Variants in ANO2 observed in about 807,000 individuals in gnomAD.
The protein encoded by ANO2 is anoctamin-2.
Under a neutral mutation model 124.2 loss-of-function variants are expected in ANO2, and 101 were observed. That is an observed-to-expected ratio of 0.81 (90% CI 0.69 to 0.96). The LOEUF is 0.96. Ranked by LOEUF, ANO2 falls within the 40% of genes least tolerant of loss-of-function variation. The pLI, the probability that ANO2 is intolerant of heterozygous loss-of-function variation, is 0.00. For synonymous variants in ANO2, 486 were observed against 482.5 expected, an observed-to-expected ratio of 1.01 and a Z score of -0.09; for missense variants, 1,293 against 1,274.5, an observed-to-expected ratio of 1.01 and a Z score of -0.22.
chr12:5,806,309 T>C (rs1953190897), intron 8 of ANO2, among the ~76,000 whole-genome samples: 1 of 152,236 alleles, frequency 6.6e-6, no homozygotes, highest in African/African-American at 2.4e-5. Context: ...CACATGAAGA[T>C]GTGCCCCCTC....
chr12:5,660,817 T>C (rs1947399254), intron 14 of ANO2, among the ~76,000 whole-genome samples: 1 of 152,182 alleles, frequency 6.6e-6, no homozygotes, highest in Non-Finnish European at 1.5e-5. Context: ...TGGTGCTCCA[T>C]GCTCATAATA....
intron 14 of ANO2, among the ~76,000 whole-genome samples, chr12:5,670,716 A>G (rs1236827349): frequency 6.6e-6 from 1 of 151,870 alleles, no homozygotes; most frequent in Non-Finnish European, 1.5e-5. Context: ...TTTTTAAAAA[A>G]TGTTATAGAG....
At chr12:5,840,023 C>A (rs1422157126) in intron 4 of ANO2, among the ~76,000 whole-genome samples, 1 of 152,124 alleles carries the variant, frequency 6.6e-6, no homozygotes, top group Non-Finnish European at 1.5e-5. Context: ...TTTACTTCGG[C>A]AGGATTCAGG....
intron 20 of ANO2, among the ~76,000 whole-genome samples, chr12:5,595,046 GC>G (rs1475981093): frequency 6.6e-6 from 1 of 152,146 alleles, no homozygotes; most frequent in Non-Finnish European, 1.5e-5. Flanking sequence ...CATCAATTAA[GC>G]CCTGCTTTGA....
chr12:5,854,925 T>C (rs1453427036), intron 3 of ANO2, among the ~76,000 whole-genome samples: 1 of 119,972 alleles, frequency 8.3e-6, no homozygotes, highest in African/African-American at 3.1e-5. Context: ...CATCTTCAAA[T>C]AAACATTCAC....
intron 3 of ANO2, among the ~76,000 whole-genome samples, chr12:5,870,731 A>T (rs1955553325): frequency 6.6e-6 from 1 of 152,182 alleles, no homozygotes; most frequent in Admixed American, 6.5e-5. Context: ...GAAGGGATCA[A>T]AGGTCCTACT....
At chr12:5,799,703 G>A in intron 9 of ANO2, 132 bp from the exon 10 acceptor site, 1 of 784,628 alleles carries the variant, frequency 1.3e-6, no homozygotes, top group Non-Finnish European at 2.1e-6. Flanking sequence ...ACATCCAGGG[G>A]GAGATGTTCA....
chr12:5,728,120 C>A (rs746863818), intron 14 of ANO2, among the ~76,000 whole-genome samples: 4 of 152,096 alleles, frequency 2.6e-5, no homozygotes, highest in Non-Finnish European at 4.4e-5. Context: ...CACTTCTATT[C>A]AGCATTGTAC....
chr12:5,922,460 A>C (rs1176588924), intron 2 of ANO2, among the ~76,000 whole-genome samples, 160 bp downstream of exon 2: 1 of 152,210 alleles, frequency 6.6e-6, no homozygotes, highest in African/African-American at 2.4e-5. Flanking sequence ...AGTGTGCCTG[A>C]CTTGGAGACA....
At chr12:5,760,512 T>C (rs1034636349) in intron 10 of ANO2, among the ~76,000 whole-genome samples, 1 of 152,182 alleles carries the variant, frequency 6.6e-6, no homozygotes, top group East Asian at 1.9e-4. Context: ...ATGGTACCTA[T>C]GGTAAGATCT....
At chr12:5,628,050 T>C (rs1245638643) in intron 16 of ANO2, among the ~76,000 whole-genome samples, 1 of 152,218 alleles carries the variant, frequency 6.6e-6, no homozygotes, top group African/African-American at 2.4e-5. Flanking sequence ...TTGTGAGTTA[T>C]GACCATGCCG....
intron 7 of ANO2, among the ~76,000 whole-genome samples, chr12:5,808,763 C>T (rs566104015): frequency 1.3e-5 from 2 of 152,276 alleles, no homozygotes; most frequent in South Asian, 2.1e-4. Context: ...AAATTCATGG[C>T]TTCCCACCTC....
chr12:5,636,701 G>A lies in ANO2; in HGVS notation c.1621-1354C>T, dbSNP rs1946035076. The stretch of plus-strand genomic sequence containing the variant: ...GAGGGGGTAAGAGGAGGGGAGGAGA[G>A]GCACAGGAGGAAAGGGGAGGGGAAG... On this transcript the variant is annotated intron_variant, in intron 15 of 24. Coordinates refer to ENST00000682330, the MANE Select transcript of ANO2 (RefSeq NM_001364791.2). This position sits in a 1 kb window ranked among gnomAD's most constrained non-coding sequence, Gnocchi z 4.6. Among the ~76,000 whole-genome samples the A allele has an allele frequency of 6.6e-6, 1 of 151,514 alleles. No individual in the cohort carries two copies. The highest frequency in any genetic ancestry group is 2.1e-4 in the South Asian group (1 of 4,762).
chr12:5,578,477 G>C lies in ANO2; in HGVS notation c.2275C>G (p.Pro759Ala). The C allele has an allele frequency of 6.2e-7, 1 of 1,613,972 alleles. No individual in the cohort carries two copies. Among genetic ancestry groups the C allele is most frequent in the South Asian group, 1.1e-5 (1 of 91,062 alleles). ...AGGAGGGCAAACACAGGTGCCAGGG[G>C]AAAGGAGGCCACGAAGAGGGTGACA... ...GFVTLFVASF[P>A]LAPVFALLNN... The change falls in exon 21 of 25, where the codon CCC becomes GCC. Residue 759 changes from proline (P) to alanine (A), a missense_variant. Transcript: ENST00000682330.
chr12:5,827,645 G>T, intron 7 of ANO2, 124 bp downstream of exon 7: 1 of 1,170,490 alleles, frequency 8.5e-7, no homozygotes. Flanking sequence ...AAGCTAAGCA[G>T]CCTCTCCGTG....
In ANO2 at chr12:5,873,939, C is replaced by T. The variant is rs556087346; in HGVS notation, c.535-19798G>A. Among the ~76,000 whole-genome samples, 4 of 152,358 alleles carry T rather than the reference C, an allele frequency of 2.6e-5. No individual in the cohort carries two copies. The South Asian group carries it at 6.2e-4, about 24-fold the overall frequency. ...ACCAGCCAGAGCTGATGTACCCCAACCCAACCAAGAGACGCGCAGAGAAGC... is the reference window on the plus strand; with the variant it reads ...ACCAGCCAGAGCTGATGTACCCCAATCCAACCAAGAGACGCGCAGAGAAGC... On this transcript the variant is annotated intron_variant, in intron 3 of 24. Transcript: ENST00000682330.
At chr12:5,844,998 A>G (rs1400073151) in intron 4 of ANO2, among the ~76,000 whole-genome samples, 1 of 148,458 alleles carries the variant, frequency 6.7e-6, no homozygotes, top group Non-Finnish European at 1.5e-5. Context: ...TAGGCTGGGC[A>G]TGGCACCTCA....
At chr12:5,583,577 T>C (rs897862526) in intron 20 of ANO2, among the ~76,000 whole-genome samples, 12 of 128,934 alleles carry the variant, frequency 9.3e-5, no homozygotes, top group East Asian at 9.0e-4. Context: ...GGCGTGAACC[T>C]GGGAGGCGGA....
chr12:5,879,852 C>T (rs142685642), intron 3 of ANO2, among the ~76,000 whole-genome samples: 18 of 152,246 alleles, frequency 1.2e-4, no homozygotes, highest in African/African-American at 4.3e-4. Context: ...AGTGTGAACT[C>T]GTTCTGAGGT....
Sources: allele counts gnomAD v4.1 joint callset (sites outside exome capture counted in the v4.1 genomes callset), GRCh38; gene constraint gnomAD v4.1.1; non-coding constraint Gnocchi (gnomAD v3.1); transcripts MANE v1.5; gene names NCBI Gene and HGNC (gene_info 2026-07-23, HGNC 2026-07-21).